Variants in ZNF236 observed in about 807,000 individuals in gnomAD.
ZNF236 encodes regulated by glucose.
In ZNF236, 50 loss-of-function variants were observed where a neutral mutation model predicts 191.2. The observed-to-expected ratio is 0.26, with a 90% confidence interval of 0.21 to 0.33. ZNF236 has a LOEUF of 0.33. Ranked by LOEUF, ZNF236 falls within the 10% of genes least tolerant of loss-of-function variation. The pLI, the probability that ZNF236 is intolerant of heterozygous loss-of-function variation, is 1.00. For missense variants in ZNF236, 1,754 were observed against 2,374.5 expected, an observed-to-expected ratio of 0.74 and a Z score of 5.43; for synonymous variants, 907 against 928.8, an observed-to-expected ratio of 0.98 and a Z score of 0.43.
At chr18:76,918,580 G>A (rs750321610) in intron 19 of ZNF236, among the ~76,000 whole-genome samples, 3 of 152,070 alleles carry the variant, frequency 2.0e-5, no homozygotes, top group Non-Finnish European at 4.4e-5. Flanking sequence ...TCACCACCAC[G>A]CCTGGCTGAT....
At chr18:76,952,317 G>T (rs1968428609) in intron 27 of ZNF236, among the ~76,000 whole-genome samples, 1 of 152,200 alleles carries the variant, frequency 6.6e-6, no homozygotes, top group African/African-American at 2.4e-5. Context: ...TCCCTTGTTA[G>T]GTTGTAGCAC....
rs1967473486 is a variant in ZNF236, at chr18:76,919,490, C to G, written c.3275-286C>G. Among the ~76,000 whole-genome samples the G allele has an allele frequency of 6.6e-6, 1 of 152,144 alleles. No homozygotes were observed. Among genetic ancestry groups the G allele is most frequent in the Admixed American group, 6.5e-5 (1 of 15,270 alleles). On this transcript the variant is annotated intron_variant, in intron 19 of 30. Coordinates refer to ENST00000320610, the MANE Select transcript of ZNF236 (RefSeq NM_001306089.2). This position sits in a 1 kb window ranked among gnomAD's most constrained non-coding sequence, Gnocchi z 5.3. ...TTAACTAGTCACCCTACTCTGCTAT[C>G]AAACATTAGAGCTTATTCCTTCTAT...
Position 76,837,118 on chromosome 18 carries a change from C to T in ZNF236, c.56-12408C>T, listed in dbSNP as rs925935293. ...CTTGAACTCCTGGCCTCAAGTGATC[C>T]GCACCCCCTCCCCCCCCCCCCGCCC... On this transcript the variant is annotated intron_variant, in intron 1 of 30. Transcript: ENST00000320610. Among the ~76,000 whole-genome samples the T allele has an allele frequency of 4.0e-4, 35 of 87,506 alleles. No individual in the cohort carries two copies. The East Asian group carries it at 0.011, about 27-fold the overall frequency. 57.4% of individuals were successfully genotyped at this position (87,506 alleles called of 152,430 possible). A position where few individuals can be genotyped will look rare whatever the true frequency, so the allele number is the denominator to read the frequency against.
chr18:76,950,392 T>C (rs1968374908), intron 27 of ZNF236, among the ~76,000 whole-genome samples: 1 of 152,246 alleles, frequency 6.6e-6, no homozygotes, highest in African/African-American at 2.4e-5. Flanking sequence ...GTAACTGCTT[T>C]CTTTGCTCAT....
intron 3 of ZNF236, among the ~76,000 whole-genome samples, chr18:76,860,282 G>T (rs1158482556): frequency 1.3e-5 from 2 of 152,078 alleles, no homozygotes; most frequent in Non-Finnish European, 2.9e-5. Flanking sequence ...CGACATGAAG[G>T]GCAAAGATTA....
chr18:76,851,993 G>T, intron 3 of ZNF236, 54 bp downstream of exon 3: 1 of 1,508,992 alleles, frequency 6.6e-7, no homozygotes, highest in South Asian at 1.3e-5. Context: ...AAATACATCT[G>T]ATCATGAGTC....
rs369532818 is a variant in ZNF236 at position 76,853,188 on chromosome 18, C to T, written c.363+1249C>T. 5.5e-4 allele frequency among the ~76,000 whole-genome samples: 84 copies of T among 152,046 alleles called. 4 individuals carry two copies. The South Asian group carries it at 0.016, about 29-fold the overall frequency. On this transcript the variant is annotated intron_variant, in intron 3 of 30. Transcript: ENST00000320610. ...CTGCCTCCTGGGTTCAAGAGATTCT[C>T]GTGCCATAGCCTCCCGAATAGCTGG...
Position 76,968,486 on chromosome 18 carries a change from T to TCATAGGAATCA in ZNF236, c.*147_*148insCATAGGAATCA. 5 of 1,418,684 alleles carry TCATAGGAATCA rather than the reference T, an allele frequency of 3.5e-6. No homozygotes were observed. Among genetic ancestry groups the TCATAGGAATCA allele is most frequent in the Non-Finnish European group, 9.1e-7 (1 of 1,098,928 alleles). 87.9% of individuals were successfully genotyped at this position (1,418,684 alleles called of 1,614,324 possible). On this transcript the variant is annotated 3_prime_UTR_variant, in exon 31 of 31. Transcript: ENST00000320610. ...TAAAATTATCTAAAGAATCATTGTC[T>TCATAGGAATCA]TTCAGAGACTCATAGGAAAAAAAAA...
In ZNF236 at chr18:76,824,358, A is replaced by G. The variant is rs556883029; in HGVS notation, c.55+1696A>G. The G allele has an allele frequency of 3.8e-5, 30 of 781,096 alleles. 1 individual carries two copies. In the East Asian group the frequency reaches 7.0e-4, roughly 18 times the overall value. The allele number at this position is 781,096 out of a possible 1,614,324, so 48.4% of individuals were successfully genotyped here. ...GTTTCAGCGAGCTTTCGCACACCTC[A>G]TGGGCCTTTGTGGGCTGCTGGAGAG... On this transcript the variant is annotated intron_variant, in intron 1 of 30. Coordinates refer to ENST00000320610, the MANE Select transcript of ZNF236 (RefSeq NM_001306089.2).
rs200623153 is a variant in ZNF236, at chr18:76,912,329, A to G, written c.2891A>G (p.Gln964Arg). The change falls in exon 17 of 31, where the codon CAG (glutamine) becomes CGG (arginine). Residue 964 changes from glutamine (Q) to arginine (R), a missense_variant. By Grantham distance (43) the Gln-to-Arg change is conservative. Transcript: ENST00000320610. ...GSQFLEDNED[Q>R]SRRSYRCDYC... ...CAGTTTCTGGAGGACAACGAGGACC[A>G]GAGCAGGCGCTCTTACAGGTAGTTG... 7.0e-5 allele frequency: 113 copies of G among 1,613,982 alleles called. No individual in the cohort carries two copies. The highest frequency in any genetic ancestry group is 1.7e-4 in the Middle Eastern group (1 of 6,016).
At chr18:76,857,737 C>T (rs1362986370) in intron 3 of ZNF236, among the ~76,000 whole-genome samples, 1 of 152,116 alleles carries the variant, frequency 6.6e-6, no homozygotes, top group Non-Finnish European at 1.5e-5. Context: ...TGCTGTGTCT[C>T]TCTTTGTAAT....
chr18:76,928,518 A>G (rs574796020), intron 25 of ZNF236, among the ~76,000 whole-genome samples: 2 of 152,280 alleles, frequency 1.3e-5, no homozygotes, highest in East Asian at 1.9e-4. Context: ...TCAGAATTCT[A>G]TTAGGATTAT....
At chr18:76,948,660 T>TG (rs1211576028) in intron 27 of ZNF236, among the ~76,000 whole-genome samples, 2 of 152,212 alleles carry the variant, frequency 1.3e-5, no homozygotes, top group African/African-American at 2.4e-5. Context: ...CGGACACTGC[T>TG]GATTCTCCCA....
intron 16 of ZNF236, among the ~76,000 whole-genome samples, chr18:76,911,626 A>T (rs1284682893): frequency 6.6e-6 from 1 of 152,016 alleles, no homozygotes; most frequent in East Asian, 1.9e-4. Flanking sequence ...GGGGTGGATG[A>T]CTCTACTGTT....
chr18:76,868,863 G>T lies in ZNF236; in HGVS notation c.542G>T (p.Arg181Met). 1 of 1,591,932 alleles carries T rather than the reference G, an allele frequency of 6.3e-7. No homozygotes were observed. Among genetic ancestry groups the T allele is most frequent in the South Asian group, 1.1e-5 (1 of 88,602 alleles). Reference protein sequence around the residue: ...KEHMKTHYKIRVSSTRSYNRN... With the variant: ...KEHMKTHYKIMVSSTRSYNRN... The stretch of plus-strand genomic sequence containing the variant: ...CACATGAAGACTCATTACAAAATTA[G>T]GTATGAGTCATTACATGGGCTTGGT... The change falls in exon 4 of 31, where the codon AGG becomes ATG. Residue 181 changes from arginine (R) to methionine (M), a missense_variant and splice_region_variant. This residue lies in a region of ZNF236 where 336 missense variants were observed against 495.1 expected (regional missense o/e 0.68). Coordinates refer to ENST00000320610, the MANE Select transcript of ZNF236 (RefSeq NM_001306089.2).
chr18:76,827,762 A>G (rs1177308704), intron 1 of ZNF236, among the ~76,000 whole-genome samples: 1 of 152,244 alleles, frequency 6.6e-6, no homozygotes. Flanking sequence ...GGCAGCATTC[A>G]TTCAGCACTT....
At chr18:76,943,549 CAA>C (rs569844260) in intron 26 of ZNF236, among the ~76,000 whole-genome samples, 5 of 152,136 alleles carry the variant, frequency 3.3e-5, no homozygotes, top group Admixed American at 6.5e-5. Context: ...CATAAAAAAA[CAA>C]ACTTATTATT....
At chr18:76,904,999 C>T (rs1977700056) in intron 12 of ZNF236, among the ~76,000 whole-genome samples, 156 bp from the exon 13 acceptor site, 1 of 152,226 alleles carries the variant, frequency 6.6e-6, no homozygotes, top group South Asian at 2.1e-4. Flanking sequence ...GAGTCTCAGG[C>T]TTCCTCCCTT....
chr18:76,942,803 C>A (rs1181212861), intron 26 of ZNF236, among the ~76,000 whole-genome samples: 1 of 150,846 alleles, frequency 6.6e-6, no homozygotes, highest in Non-Finnish European at 1.5e-5. Flanking sequence ...CATGAGCCAC[C>A]ACGCCCAGCC....
Sources: gnomAD v4.1 joint callset for allele counts (sites outside exome capture counted in the v4.1 genomes callset) on GRCh38, gnomAD v4.1.1 for gene constraint, gnomAD v4.1.1 regional missense constraint, Gnocchi (gnomAD v3.1) non-coding constraint, MANE v1.5 for transcripts, NCBI Gene and HGNC (gene_info 2026-07-23, HGNC 2026-07-21) for gene names.